Variants in NEDD4L observed in about 807,000 individuals in gnomAD.
NEDD4L encodes the protein NEDD4 like E3 ubiquitin protein ligase, also known as E3 ubiquitin-protein ligase NEDD4-like.
In NEDD4L, 54 loss-of-function variants were observed where a neutral mutation model predicts 148.9. That is an observed-to-expected ratio of 0.36 (90% CI 0.29 to 0.45). NEDD4L has a LOEUF of 0.45. Among genes scored for constraint, NEDD4L ranks in the 20% least tolerant of loss-of-function variants. The probability of loss-of-function intolerance (pLI) is 1.00; values close to 1 mark genes in which losing one functional copy is unlikely to be tolerated. For missense variants in NEDD4L, 856 were observed against 1,233.8 expected, an observed-to-expected ratio of 0.69 and a Z score of 4.59; for synonymous variants, 433 against 440.7, an observed-to-expected ratio of 0.98 and a Z score of 0.22.
Position 58,329,110 on chromosome 18 carries a change from G to A in NEDD4L, c.796G>A (p.Gly266Ser). The A allele has an allele frequency of 2.5e-6, 4 of 1,613,962 alleles. No homozygotes were observed. The highest frequency in any genetic ancestry group is 1.7e-4 in the Middle Eastern group (1 of 6,058). The change falls in exon 10 of 31, where the codon GGC (glycine) becomes AGC (serine). Residue 266 changes from glycine (G) to serine (S), a missense_variant. Transcript: ENST00000400345. ...AGACTTGGAGCCCGAGCCCTCGGAG[G>A]GCGGGGATGTCCCCGAGGTACGATG... ...SEDLEPEPSE[G>S]GDVPEPWETI...
chr18:58,239,080 G>A (rs1386885314), intron 2 of NEDD4L, among the ~76,000 whole-genome samples: 2 of 152,210 alleles, frequency 1.3e-5, no homozygotes, highest in Non-Finnish European at 2.9e-5. Flanking sequence ...AAAACAAGTT[G>A]TCATTAACAA....
rs368906253 is a variant in NEDD4L, at chr18:58,334,351, G to A, written c.1065+459G>A. On this transcript the variant is annotated intron_variant, in intron 12 of 30. Transcript: ENST00000400345. ...AGAGCCTCTGTACCTTCTCTTTAAA[G>A]GCAGCTCTGCTCACCAGGAATTGGC... Among the ~76,000 whole-genome samples, 7 of 152,222 alleles carry A rather than the reference G, an allele frequency of 4.6e-5. No homozygotes were observed. In the East Asian group the frequency reaches 9.7e-4, roughly 21 times the overall value.
Position 58,259,442 on chromosome 18 carries a change from G to A in NEDD4L, c.297+7388G>A, listed in dbSNP as rs950939. On this transcript the variant is annotated intron_variant, in intron 5 of 30. Coordinates refer to ENST00000400345, the MANE Select transcript of NEDD4L (RefSeq NM_001144967.3). The stretch of plus-strand genomic sequence containing the variant: ...GTTATTTTCTTATAAATTAGCTTTT[G>A]GGTTATTGGGTTCTGAGCCTCTTAA... Among the ~76,000 whole-genome samples, 781 of 152,242 alleles carry A rather than the reference G, an allele frequency of 5.1e-3. 11 individuals are homozygous for A. The highest frequency in any genetic ancestry group is 0.023 in the East Asian group (118 of 5,186).
chr18:58,189,911 C>T (rs1468998371), intron 2 of NEDD4L: 2 of 152,108 alleles, frequency 1.3e-5, no homozygotes, highest in Admixed American at 6.5e-5. Flanking sequence ...AAGAGTTTTA[C>T]GATCCATGTT....
intron 9 of NEDD4L, among the ~76,000 whole-genome samples, chr18:58,326,003 T>G (rs2059276809): frequency 6.6e-6 from 1 of 152,192 alleles, no homozygotes; most frequent in African/African-American, 2.4e-5. Context: ...ACTTTCAGTA[T>G]GTAATAAAAG....
At position 58,157,679 on chromosome 18, in the gene NEDD4L, C is replaced by T. The variant is rs187055075; in HGVS notation, c.49-8109C>T. 1.6e-3 allele frequency among the ~76,000 whole-genome samples: 239 copies of T among 152,236 alleles called. 1 individual carries two copies. The highest frequency in any genetic ancestry group is 5.6e-3 in the African/African-American group (232 of 41,552). ...GGTTCCATATTTCTTAAAAGTAATA[C>T]TGCTGCTGCACTTACATTGAACAAG... is the stretch of plus-strand genomic sequence containing the variant. On this transcript the variant is annotated intron_variant, in intron 1 of 30. Transcript: ENST00000400345.
intron 5 of NEDD4L, among the ~76,000 whole-genome samples, chr18:58,301,969 G>A (rs2056525388): frequency 6.6e-6 from 1 of 152,140 alleles, no homozygotes; most frequent in South Asian, 2.1e-4. Context: ...TCCCCTTGTT[G>A]CCCCTGCCCC....
At chr18:58,251,147 G>A (rs757931037) in intron 4 of NEDD4L, among the ~76,000 whole-genome samples, 7 of 152,096 alleles carry the variant, frequency 4.6e-5, no homozygotes, top group African/African-American at 7.2e-5. Flanking sequence ...ATAAAATTGC[G>A]TGATAGTTAT....
chr18:58,371,191 C>T (rs949886407), intron 23 of NEDD4L, among the ~76,000 whole-genome samples: 10 of 149,494 alleles, frequency 6.7e-5, no homozygotes, highest in Admixed American at 6.0e-4. Context: ...CACACGCCAC[C>T]ATGCCTGGCT....
At chr18:58,276,518 A>G (rs2052040835) in intron 5 of NEDD4L, among the ~76,000 whole-genome samples, 1 of 151,714 alleles carries the variant, frequency 6.6e-6, no homozygotes, top group Non-Finnish European at 1.5e-5. Flanking sequence ...CCTAGTGTTC[A>G]TTTTCTGACA....
intron 2 of NEDD4L, among the ~76,000 whole-genome samples, chr18:58,188,073 A>C (rs2039670574): frequency 6.6e-6 from 1 of 152,196 alleles, no homozygotes; most frequent in African/African-American, 2.4e-5. Context: ...CAGTGTTCCG[A>C]ATGTGGAAGC....
intron 26 of NEDD4L, among the ~76,000 whole-genome samples, chr18:58,387,019 GCA>G (rs1010375782): frequency 6.6e-6 from 1 of 151,956 alleles, no homozygotes; most frequent in African/African-American, 2.4e-5. Context: ...TTTTCTGTAC[GCA>G]CAGTGTCTGC....
chr18:58,059,088 C>CTTT (rs2082211763), intron 1 of NEDD4L, among the ~76,000 whole-genome samples: 1 of 152,262 alleles, frequency 6.6e-6, no homozygotes, highest in East Asian at 1.9e-4. Flanking sequence ...CTCCTATTTT[C>CTTT]TTCTTCTTTC....
chr18:58,060,305 T>C (rs1368918537), intron 1 of NEDD4L, among the ~76,000 whole-genome samples: 1 of 152,130 alleles, frequency 6.6e-6, no homozygotes, highest in African/African-American at 2.4e-5. Context: ...GCTTTTCTTA[T>C]TAGTAAGTAT....
chr18:58,280,249 C>T (rs1378670220), intron 5 of NEDD4L, among the ~76,000 whole-genome samples: 2 of 152,108 alleles, frequency 1.3e-5, no homozygotes, highest in Non-Finnish European at 2.9e-5. Context: ...GGTGTGTGGC[C>T]CATGTCACTG....
At chr18:58,395,066 G>C (rs1301256406) in intron 30 of NEDD4L, among the ~76,000 whole-genome samples, 1 of 152,134 alleles carries the variant, frequency 6.6e-6, no homozygotes, top group East Asian at 1.9e-4. Flanking sequence ...GTGAAATAGG[G>C]GTGAAGCATT....
chr18:58,211,903 G>A (rs530252706), intron 2 of NEDD4L, among the ~76,000 whole-genome samples: 1 of 152,144 alleles, frequency 6.6e-6, no homozygotes, highest in African/African-American at 2.4e-5. Context: ...GGCATAACCA[G>A]TTCTTTATCT....
At position 58,366,788 on chromosome 18, in the gene NEDD4L, A is replaced by G. The variant is rs2046164491; in HGVS notation, c.2063+560A>G. Among the ~76,000 whole-genome samples, 1 of 152,246 alleles carries G rather than the reference A, an allele frequency of 6.6e-6. No homozygotes were observed. Among genetic ancestry groups the G allele is most frequent in the Non-Finnish European group, 1.5e-5 (1 of 68,048 alleles). On this transcript the variant is annotated intron_variant, in intron 21 of 30. Transcript: ENST00000400345. This position sits in a 1 kb window ranked among gnomAD's most constrained non-coding sequence, Gnocchi z 4.2. ...CTTCCAGGCCAGCCATTCCTCCTTC[A>G]GACTCTGAATCCTCCAAGGGTTGGG...
At chr18:58,309,281 C>T (rs541823186) in intron 5 of NEDD4L, among the ~76,000 whole-genome samples, 12 of 152,284 alleles carry the variant, frequency 7.9e-5, no homozygotes, top group African/African-American at 2.6e-4. Flanking sequence ...TCCTGTCATC[C>T]CTGCTCTGTC....
Sources: gnomAD v4.1 joint callset for allele counts (sites outside exome capture counted in the v4.1 genomes callset) on GRCh38, gnomAD v4.1.1 for gene constraint, Gnocchi (gnomAD v3.1) non-coding constraint, MANE v1.5 for transcripts, NCBI Gene and HGNC (gene_info 2026-07-23, HGNC 2026-07-21) for gene names.